Variants in NBAS observed in about 807,000 individuals in gnomAD.
NBAS encodes the protein NBAS subunit of NRZ tethering complex, also known as NAG/BC035112 fusion.
A neutral mutation model predicts 302.5 loss-of-function variants in NBAS; 219 were observed. The ratio of observed to expected loss-of-function variants is 0.72; its 90% CI spans 0.65 to 0.81. The LOEUF is 0.81. Among genes scored for constraint, NBAS ranks in the 30% least tolerant of loss-of-function variants. NBAS has a pLI of 0.00. For missense variants in NBAS, 2,932 were observed against 2,841.6 expected, an observed-to-expected ratio of 1.03 and a Z score of -0.72; for synonymous variants, 1,118 against 1,021.6, an observed-to-expected ratio of 1.09 and a Z score of -1.80.
the NBAS span, among the ~76,000 whole-genome samples, chr2:14,836,815 T>G: frequency 3.0e-4 from 45 of 151,978 alleles, no homozygotes; most frequent in Admixed American, 1.4e-3. Context: ...TTCTAATTCA[T>G]GGACATGGAG....
At chr2:14,819,127 C>T in the NBAS span, among the ~76,000 whole-genome samples, 4 of 152,186 alleles carry the variant, frequency 2.6e-5, no homozygotes, top group Admixed American at 6.5e-5. Flanking sequence ...TCCCACTAGA[C>T]CTTGTGCTCC....
intron 12 of NBAS, among the ~76,000 whole-genome samples, chr2:15,482,110 A>C (rs1445937826): frequency 6.6e-6 from 1 of 152,064 alleles, no homozygotes; most frequent in Non-Finnish European, 1.5e-5. Context: ...CTAAGCATAA[A>C]AACAGTCTTC....
At chr2:15,058,791 C>T in the NBAS span, among the ~76,000 whole-genome samples, 5 of 152,146 alleles carry the variant, frequency 3.3e-5, no homozygotes, top group Non-Finnish European at 7.3e-5. Flanking sequence ...TGTAATGTGG[C>T]GAATGTCCTC....
chr2:15,166,225 A>G (rs1457843012), downstream of NBAS, among the ~76,000 whole-genome samples: 1 of 152,182 alleles, frequency 6.6e-6, no homozygotes, highest in Non-Finnish European at 1.5e-5. Context: ...GATTGGCTGT[A>G]TGCACATCAG....
chr2:15,348,811 T>G (rs1046320300), intron 35 of NBAS, among the ~76,000 whole-genome samples: 1 of 152,066 alleles, frequency 6.6e-6, no homozygotes, highest in Non-Finnish European at 1.5e-5. Context: ...CATTCACTAA[T>G]TGAGAAGCAC....
At chr2:15,028,540 T>C in the NBAS span, among the ~76,000 whole-genome samples, 495 of 152,342 alleles carry the variant, frequency 3.2e-3, no homozygotes, top group Admixed American at 5.1e-3. Context: ...TTTTACTTCA[T>C]TGTACCGGAA....
chr2:14,850,537 A>C, the NBAS span, among the ~76,000 whole-genome samples: 2 of 88,736 alleles, frequency 2.3e-5, no homozygotes, highest in Non-Finnish European at 3.9e-5. Flanking sequence ...GAAAGTCAAC[A>C]AGGATACCCA....
At chr2:15,528,422 G>T (rs1663031605) in intron 9 of NBAS, among the ~76,000 whole-genome samples, 1 of 145,770 alleles carries the variant, frequency 6.9e-6, no homozygotes, top group Non-Finnish European at 1.5e-5. Flanking sequence ...TTTATATTAT[G>T]TTTATATAAT....
the NBAS span, among the ~76,000 whole-genome samples, chr2:14,927,734 C>T: frequency 2.0e-5 from 3 of 152,206 alleles, no homozygotes; most frequent in Admixed American, 2.0e-4. Flanking sequence ...TTGTTTTTAT[C>T]GTAGCAAACC....
At chr2:14,921,980 C>T in the NBAS span, among the ~76,000 whole-genome samples, 1 of 152,206 alleles carries the variant, frequency 6.6e-6, no homozygotes, top group East Asian at 1.9e-4. Context: ...CATGTACTGA[C>T]TATCTACCAC....
At chr2:15,195,368 G>A (rs1665569045) in intron 48 of NBAS, among the ~76,000 whole-genome samples, 1 of 152,084 alleles carries the variant, frequency 6.6e-6, no homozygotes, top group Non-Finnish European at 1.5e-5. Context: ...ACTCACAAAG[G>A]GTTATATACA....
At chr2:15,335,514 T>C (rs888848638) in intron 35 of NBAS, among the ~76,000 whole-genome samples, 18 of 152,326 alleles carry the variant, frequency 1.2e-4, no homozygotes, top group Middle Eastern at 3.4e-3. Flanking sequence ...TCTTTTTCAT[T>C]TGAGCAATTC....
chr2:15,095,985 C>T, the NBAS span, among the ~76,000 whole-genome samples: 1 of 152,154 alleles, frequency 6.6e-6, no homozygotes, highest in African/African-American at 2.4e-5. Context: ...CCAGAGCCAC[C>T]CCCAGCCCAG....
intron 44 of NBAS, among the ~76,000 whole-genome samples, chr2:15,264,913 G>A (rs73194996): frequency 0.027 from 4,137 of 152,184 alleles, 192 homozygotes; most frequent in African/African-American, 0.094. Flanking sequence ...CAGACTTTTG[G>A]AGGCATTAGT....
At chr2:14,882,119 G>A in the NBAS span, among the ~76,000 whole-genome samples, 11 of 152,174 alleles carry the variant, frequency 7.2e-5, no homozygotes, top group East Asian at 1.9e-4. Flanking sequence ...CTCCCCATCC[G>A]TACACTCAGC....
chr2:15,432,251 T>C (rs1020345594), intron 21 of NBAS, among the ~76,000 whole-genome samples: 10 of 151,210 alleles, frequency 6.6e-5, no homozygotes, highest in African/African-American at 2.5e-4. Context: ...TGGGAAGTCT[T>C]AAGATTTAAA....
chr2:15,152,350 G>A, the NBAS span, among the ~76,000 whole-genome samples: 11 of 152,202 alleles, frequency 7.2e-5, no homozygotes, highest in Non-Finnish European at 1.6e-4. Flanking sequence ...CCAAAATGGG[G>A]GAATTGTTAA....
chr2:14,861,614 C>G, the NBAS span, among the ~76,000 whole-genome samples: 1 of 152,248 alleles, frequency 6.6e-6, no homozygotes, highest in Non-Finnish European at 1.5e-5. Flanking sequence ...TTTGAGAAAT[C>G]TCAGGATGAT....
At chr2:14,815,141 C>G in the NBAS span, among the ~76,000 whole-genome samples, 1 of 152,132 alleles carries the variant, frequency 6.6e-6, no homozygotes, top group African/African-American at 2.4e-5. Flanking sequence ...CATAAATTAC[C>G]AAGTCTTAGG....
Sources: gnomAD v4.1 joint callset for allele counts (sites outside exome capture counted in the v4.1 genomes callset) on GRCh38, gnomAD v4.1.1 for gene constraint, MANE v1.5 for transcripts, NCBI Gene and HGNC (gene_info 2026-07-23, HGNC 2026-07-21) for gene names.